The following PLEKHH2 variants were observed in gnomAD, a reference collection of about 807,000 sequenced individuals.
The protein encoded by PLEKHH2 is pleckstrin homology, MyTH4 and FERM domain containing H2.
Under a neutral mutation model 187.9 loss-of-function variants are expected in PLEKHH2, and 129 were observed. The ratio of observed to expected loss-of-function variants is 0.69; its 90% CI spans 0.59 to 0.79. PLEKHH2 has a LOEUF of 0.79. Among genes scored for constraint, PLEKHH2 ranks in the 30% least tolerant of loss-of-function variants. The pLI is 0.00. For missense variants in PLEKHH2, 2,076 were observed against 1,751.2 expected, an observed-to-expected ratio of 1.19 and a Z score of -3.31; for synonymous variants, 686 against 605.6, an observed-to-expected ratio of 1.13 and a Z score of -1.95.
At position 43,767,740 on chromosome 2, in the gene PLEKHH2, G is replaced by A. The variant is rs1572682179; in HGVS notation, c.*2142G>A. Reference sequence around the variant, plus strand: ...AAGTAGTGAAGGCTTATCTTAAACTGTGTAGTACCTTAGACTTGGCATTTA... The same window carrying A: ...AAGTAGTGAAGGCTTATCTTAAACTATGTAGTACCTTAGACTTGGCATTTA... On this transcript the variant is annotated 3_prime_UTR_variant, in exon 30 of 30. Transcript: ENST00000282406. The A allele has an allele frequency of 6.5e-6, 1 of 152,744 alleles. No homozygotes were observed. The highest frequency in any genetic ancestry group is 2.4e-5 in the African/African-American group (1 of 41,436). 9.5% of individuals were successfully genotyped at this position (152,744 alleles called of 1,614,324 possible). A position where few individuals can be genotyped will look rare whatever the true frequency, so the allele number is the denominator to read the frequency against.
chr2:43,714,910 G>A (rs938680962), intron 15 of PLEKHH2, among the ~76,000 whole-genome samples: 4 of 152,316 alleles, frequency 2.6e-5, no homozygotes, highest in Middle Eastern at 3.4e-3. Context: ...GAGTCTTCAA[G>A]GAGGAGTAGG....
chr2:43,737,722 G>C (rs1671362559), intron 19 of PLEKHH2, among the ~76,000 whole-genome samples: 4 of 152,220 alleles, frequency 2.6e-5, no homozygotes, highest in Admixed American at 2.6e-4. Flanking sequence ...CGGGGAAAGA[G>C]AGAGAGTGAC....
intron 28 of PLEKHH2, among the ~76,000 whole-genome samples, chr2:43,763,340 G>C (rs1401919921): frequency 6.6e-6 from 1 of 152,116 alleles, no homozygotes; most frequent in Non-Finnish European, 1.5e-5. Flanking sequence ...GGTCTGCTCA[G>C]TCTTGCAAGG....
chr2:43,749,985 A>G (rs904158831), intron 24 of PLEKHH2, among the ~76,000 whole-genome samples: 2 of 152,272 alleles, frequency 1.3e-5, no homozygotes, highest in East Asian at 1.9e-4. Context: ...ACCGTTGGCA[A>G]CTAACATTTA....
intron 2 of PLEKHH2, chr2:43,676,415 C>G (rs1667794105): frequency 1.0e-6 from 1 of 984,234 alleles, no homozygotes; most frequent in Non-Finnish European, 1.5e-6. Flanking sequence ...GCTGCGCTCC[C>G]GGTTGGGCCA....
chr2:43,751,756 T>C (rs1356618613), intron 24 of PLEKHH2, among the ~76,000 whole-genome samples: 4 of 152,234 alleles, frequency 2.6e-5, no homozygotes, highest in Non-Finnish European at 5.9e-5. Context: ...ATCACATTCC[T>C]CTAGTGCCTT....
Position 43,740,533 on chromosome 2 carries a change from G to C in PLEKHH2, c.3124-413G>C, listed in dbSNP as rs376558091. Among the ~76,000 whole-genome samples, 663 of 152,284 alleles carry C rather than the reference G, an allele frequency of 4.4e-3. 9 individuals carry two copies. Among genetic ancestry groups the C allele is most frequent in the African/African-American group, 0.015 (626 of 41,550 alleles). The stretch of plus-strand genomic sequence containing the variant: ...TATTTAGGTATGTAGATACATACGT[G>C]TGTGTAGGTAGATTGGTTTTGATTT... On this transcript the variant is annotated intron_variant, in intron 20 of 29. Transcript: ENST00000282406.
chr2:43,706,820 C>T (rs1393543734), intron 10 of PLEKHH2, among the ~76,000 whole-genome samples: 1 of 152,186 alleles, frequency 6.6e-6, no homozygotes, highest in African/African-American at 2.4e-5. Flanking sequence ...TATTTTCAGG[C>T]ATCTTTTATA....
At chr2:43,708,686 C>T (rs1220668063) in intron 11 of PLEKHH2, among the ~76,000 whole-genome samples, 1 of 152,220 alleles carries the variant, frequency 6.6e-6, no homozygotes. Flanking sequence ...TGCTCTATCC[C>T]TAGCATCTAG....
intron 24 of PLEKHH2, among the ~76,000 whole-genome samples, chr2:43,752,962 T>C (rs1672064378): frequency 1.3e-5 from 2 of 152,290 alleles, no homozygotes; most frequent in South Asian, 4.1e-4. Flanking sequence ...AATATTATCT[T>C]TCAGATTCCC....
rs908718176 is a variant in PLEKHH2, at chr2:43,692,790, G to A, written c.336+127G>A. 1.1e-4 allele frequency: 115 copies of A among 1,035,794 alleles called. 1 individual carries two copies. The highest frequency in any genetic ancestry group is 6.0e-4 in the Middle Eastern group (2 of 3,316). 64.2% of individuals were successfully genotyped at this position (1,035,794 alleles called of 1,614,324 possible). A position where few individuals can be genotyped will look rare whatever the true frequency, so the allele number is the denominator to read the frequency against. The stretch of plus-strand genomic sequence containing the variant: ...ATATTGCTTATTCGGTCAACCCATA[G>A]GATTGCATCACATTTATTGGTGAAA... On this transcript the variant is annotated intron_variant, in intron 4 of 29. Transcript: ENST00000282406.
In PLEKHH2 at chr2:43,757,163, G is replaced by T; in HGVS notation, c.3840G>T (p.Gly1280=). The T allele has an allele frequency of 1.3e-6, 2 of 1,599,180 alleles. No homozygotes were observed. Among genetic ancestry groups the T allele is most frequent in the East Asian group, 2.3e-5 (1 of 43,922 alleles). Reference sequence around the variant, plus strand: ...AAAGACCTTTCTCAACTCCAGCAGGGCATGTTACCAATCAGTGCAAAGTGA... The same window carrying T: ...AAAGACCTTTCTCAACTCCAGCAGGTCATGTTACCAATCAGTGCAAAGTGA... ...DFERPFSTPA[G]HVTNQCKVNQ... Residue 1280 remains glycine, a synonymous_variant, in exon 26 of 30, where the codon GGG becomes GGT. Coordinates refer to ENST00000282406, the MANE Select transcript of PLEKHH2 (RefSeq NM_172069.4).
chr2:43,761,729 A>G (rs1270230991), intron 27 of PLEKHH2, among the ~76,000 whole-genome samples: 1 of 152,174 alleles, frequency 6.6e-6, no homozygotes, highest in Non-Finnish European at 1.5e-5. Flanking sequence ...AGCTTTTACA[A>G]TAAAAAATTC....
chr2:43,649,206 A>G (rs928844097), intron 2 of PLEKHH2, among the ~76,000 whole-genome samples: 1 of 152,202 alleles, frequency 6.6e-6, no homozygotes, highest in South Asian at 2.1e-4. Flanking sequence ...TAGTATGCCA[A>G]ATATAAACTC....
chr2:43,750,902 C>T (rs1242463810), intron 24 of PLEKHH2, among the ~76,000 whole-genome samples: 1 of 152,170 alleles, frequency 6.6e-6, no homozygotes, highest in Non-Finnish European at 1.5e-5. Flanking sequence ...TAGGGAGAGG[C>T]AGACATGAAG....
intron 24 of PLEKHH2, among the ~76,000 whole-genome samples, chr2:43,750,115 A>C (rs553714858): frequency 8.5e-5 from 13 of 152,374 alleles, no homozygotes; most frequent in Middle Eastern, 3.4e-3. Flanking sequence ...GTTTAAGCCA[A>C]GAAATGGAGT....
chr2:43,673,382 A>C (rs1241619520), intron 2 of PLEKHH2, among the ~76,000 whole-genome samples: 1 of 152,192 alleles, frequency 6.6e-6, no homozygotes, highest in Non-Finnish European at 1.5e-5. Context: ...ATAACACTAC[A>C]ACTGCTACCA....
rs746552467 is a variant in PLEKHH2, at chr2:43,700,496, C to T, written c.1538C>T (p.Ser513Phe). 1.4e-5 allele frequency: 23 copies of T among 1,613,884 alleles called. No homozygotes were observed. Among genetic ancestry groups the T allele is most frequent in the Non-Finnish European group, 1.9e-5 (23 of 1,180,004 alleles). Residue 513 changes from serine to phenylalanine, a missense_variant, in exon 8 of 30, where the codon TCC becomes TTC. By Grantham distance (155) the Ser-to-Phe change is radical. Transcript: ENST00000282406. The stretch of plus-strand genomic sequence containing the variant: ...ACGAGTTGTGATGATGGATTATTTT[C>T]CTATGACTCCTTGGACTCTCCAAAT... ...MDTSCDDGLFSYDSLDSPNSD... is the reference protein window; with the variant it reads ...MDTSCDDGLFFYDSLDSPNSD...
At position 43,680,928 on chromosome 2, in the gene PLEKHH2, C is replaced by A; in HGVS notation, c.186+2003C>A. On this transcript the variant is annotated intron_variant, in intron 3 of 29. Transcript: ENST00000282406. ...GCCTGGTTGAAATTTATGTCCAGGG[C>A]CACTTTAGTTGCAATTATTTTTACT... 6.9e-6 allele frequency: 5 copies of A among 728,256 alleles called. No individual in the cohort carries two copies. In the South Asian group the frequency reaches 9.6e-5, roughly 14 times the overall value. 45.1% of individuals were successfully genotyped at this position (728,256 alleles called of 1,614,324 possible).
Sources: gnomAD v4.1 joint callset for allele counts (sites outside exome capture counted in the v4.1 genomes callset) on GRCh38, gnomAD v4.1.1 for gene constraint, MANE v1.5 for transcripts, NCBI Gene and HGNC (gene_info 2026-07-23, HGNC 2026-07-21) for gene names.